The following DNM3 variants were observed in gnomAD, a reference collection of about 807,000 sequenced individuals.
DNM3 encodes the protein dynamin 3.
DNM3 carries 47 observed loss-of-function variants against 101.6 expected under a neutral mutation model. The observed-to-expected ratio is 0.46, with a 90% CI of 0.37 to 0.59. The LOEUF (loss-of-function observed/expected upper bound fraction) is 0.59, where lower values mean the gene tolerates loss of function less well. Among genes scored for constraint, DNM3 ranks in the 20% least tolerant of loss-of-function variants. The pLI, the probability that DNM3 is intolerant of heterozygous loss-of-function variation, is 0.00. For synonymous variants in DNM3, 385 were observed against 387.9 expected, an observed-to-expected ratio of 0.99 and a Z score of 0.09; for missense variants, 849 against 1,085.7, an observed-to-expected ratio of 0.78 and a Z score of 3.06.
At chr1:171,964,795 A>G (rs1213267148) in intron 2 of DNM3, among the ~76,000 whole-genome samples, 1 of 152,030 alleles carries the variant, frequency 6.6e-6, no homozygotes, top group Non-Finnish European at 1.5e-5. Context: ...AGGACACAAG[A>G]GGGGCGAAAA....
In DNM3 at chr1:172,308,764, A is replaced by T. The variant is rs369757157; in HGVS notation, c.1806A>T (p.Ala602=). The change falls in exon 16 of 21, where the codon GCA becomes GCT. Residue 602 remains alanine (A), a synonymous_variant. Transcript: ENST00000627582. The stretch of plus-strand genomic sequence containing the variant: ...AAGACTATCGCTTCCTTGAGCTGGC[A>T]TGTGATTCCCAGGAGGATGTCGACA... ...VYKDYRFLEL[A]CDSQEDVDSW... 7 of 1,608,276 alleles carry T rather than the reference A, an allele frequency of 4.4e-6. No homozygotes were observed. Among genetic ancestry groups the T allele is most frequent in the Non-Finnish European group, 5.9e-6 (7 of 1,177,776 alleles).
chr1:172,257,877 A>AACACACAC lies in DNM3; in HGVS notation c.1769+4217_1769+4224dup, dbSNP rs56955112. On this transcript the variant is annotated intron_variant, in intron 15 of 20. Transcript: ENST00000627582. ...TCATCCTCTCTCCCCAACCCCCACC[A>AACACACAC]ACACACACACACACACACACACACA... Among the ~76,000 whole-genome samples, 991 of 145,218 alleles carry AACACACAC rather than the reference A, an allele frequency of 6.8e-3. 14 individuals carry two copies. Among genetic ancestry groups the AACACACAC allele is most frequent in the African/African-American group, 0.021 (854 of 39,746 alleles).
At position 172,140,146 on chromosome 1, in the gene DNM3, A is replaced by T. The variant is rs143957259; in HGVS notation, c.1659+8858A>T. On this transcript the variant is annotated intron_variant, in intron 14 of 20. Coordinates refer to ENST00000627582, the MANE Select transcript of DNM3 (RefSeq NM_015569.5). ...ATAGAAACTTAATGGAAAGCAAAAT[A>T]GTTTTAGATACTGAGAAAATTACAA... is the stretch of plus-strand genomic sequence containing the variant. The T allele has an allele frequency of 4.3e-4, 66 of 152,156 alleles. No individual in the cohort carries two copies. The East Asian group carries it at 0.012, about 28-fold the overall frequency. 9.4% of individuals were successfully genotyped at this position (152,156 alleles called of 1,614,324 possible).
chr1:172,124,558 T>G (rs2056515848), intron 13 of DNM3, among the ~76,000 whole-genome samples: 1 of 152,204 alleles, frequency 6.6e-6, no homozygotes, highest in South Asian at 2.1e-4. Flanking sequence ...TGAGGAGACA[T>G]TCTCCCCTCT....
chr1:172,388,833 G>A, intron 20 of DNM3, 24 bp downstream of exon 20: 1 of 1,530,126 alleles, frequency 6.5e-7, no homozygotes, highest in Non-Finnish European at 8.9e-7. Context: ...CAGAAATTGG[G>A]GGGGTAGTGC....
intron 14 of DNM3, among the ~76,000 whole-genome samples, chr1:172,227,480 T>C (rs1189009863): frequency 6.6e-6 from 1 of 151,784 alleles, no homozygotes; most frequent in African/African-American, 2.4e-5. Context: ...GAATGGTAGA[T>C]ATACTTTTGT....
chr1:172,271,770 A>C (rs374091940), intron 15 of DNM3, among the ~76,000 whole-genome samples: 1 of 152,122 alleles, frequency 6.6e-6, no homozygotes, highest in African/African-American at 2.4e-5. Flanking sequence ...TCTTTTACTT[A>C]TGAATGATTT....
chr1:172,314,383 GT>G (rs1297596998), intron 16 of DNM3, among the ~76,000 whole-genome samples: 1 of 152,172 alleles, frequency 6.6e-6, no homozygotes, highest in Non-Finnish European at 1.5e-5. Flanking sequence ...CAGACAGTGG[GT>G]GCAGGTCAGT....
chr1:172,347,895 C>G (rs745935144), intron 17 of DNM3, among the ~76,000 whole-genome samples: 3 of 151,978 alleles, frequency 2.0e-5, no homozygotes, highest in Non-Finnish European at 4.4e-5. Flanking sequence ...GCATCCCAAA[C>G]AAGTGAACTC....
chr1:171,882,971 A>G (rs1449814257), intron 1 of DNM3, among the ~76,000 whole-genome samples: 3 of 151,888 alleles, frequency 2.0e-5, no homozygotes, highest in Non-Finnish European at 4.4e-5. Context: ...GAATAATCCC[A>G]TATTTTATAC....
intron 17 of DNM3, among the ~76,000 whole-genome samples, chr1:172,329,544 T>C (rs1277570661): frequency 6.6e-6 from 1 of 151,886 alleles, no homozygotes; most frequent in Non-Finnish European, 1.5e-5. Flanking sequence ...TGCAACCTGA[T>C]GAAAGAAAGA....
At chr1:172,080,520 G>C (rs1299676307) in intron 11 of DNM3, among the ~76,000 whole-genome samples, 3 of 152,224 alleles carry the variant, frequency 2.0e-5, no homozygotes, top group African/African-American at 4.8e-5. Flanking sequence ...TGCTGTGCTG[G>C]CAGTGAGAAT....
intron 4 of DNM3, among the ~76,000 whole-genome samples, chr1:172,031,366 C>T (rs112266156): frequency 0.014 from 2,178 of 152,196 alleles, 49 homozygotes; most frequent in African/African-American, 0.048. Flanking sequence ...CACATGGACA[C>T]AGGGAGGGGA....
intron 15 of DNM3, among the ~76,000 whole-genome samples, chr1:172,288,384 C>A (rs904438790): frequency 6.6e-6 from 1 of 152,182 alleles, no homozygotes; most frequent in Non-Finnish European, 1.5e-5. Flanking sequence ...GTTCATGGAA[C>A]TGATAGCTGG....
chr1:171,900,099 G>C (rs552205284), intron 1 of DNM3, among the ~76,000 whole-genome samples: 62 of 152,332 alleles, frequency 4.1e-4, no homozygotes, highest in Non-Finnish European at 1.5e-4. Flanking sequence ...GACAGTAAGG[G>C]ACGTGGAGAA....
chr1:172,055,888 C>T (rs567156709), intron 10 of DNM3, among the ~76,000 whole-genome samples: 50 of 152,280 alleles, frequency 3.3e-4, no homozygotes, highest in East Asian at 1.2e-3. Flanking sequence ...CCAGCATGAG[C>T]GACGCAGAAG....
chr1:172,332,409 A>C (rs1345481422), intron 17 of DNM3, among the ~76,000 whole-genome samples: 1 of 152,130 alleles, frequency 6.6e-6, no homozygotes. Flanking sequence ...TTCTGAGGTA[A>C]AGCAATTCTC....
intron 15 of DNM3, among the ~76,000 whole-genome samples, chr1:172,299,384 T>G (rs1424047667): frequency 6.6e-6 from 1 of 152,222 alleles, no homozygotes; most frequent in Non-Finnish European, 1.5e-5. Flanking sequence ...ACAAATTTAC[T>G]TATTTATTTA....
intron 1 of DNM3, among the ~76,000 whole-genome samples, chr1:171,897,079 A>AT (rs1015748899): frequency 1.3e-5 from 2 of 152,044 alleles, no homozygotes; most frequent in Non-Finnish European, 2.9e-5. Flanking sequence ...ATATATATAT[A>AT]TTTTTTAGCA....
Sources: gnomAD v4.1 joint callset for allele counts (sites outside exome capture counted in the v4.1 genomes callset) on GRCh38, gnomAD v4.1.1 for gene constraint, MANE v1.5 for transcripts, NCBI Gene and HGNC (gene_info 2026-07-23, HGNC 2026-07-21) for gene names.